The following MAN1A1 variants were observed in gnomAD, a reference collection of about 807,000 sequenced individuals.
The protein encoded by MAN1A1 is mannosidase alpha class 1A member 1, also known as mannosyl-oligosaccharide 1,2-alpha-mannosidase IA.
In MAN1A1, 29 loss-of-function variants were observed where a neutral mutation model predicts 70.8. The observed-to-expected ratio is 0.41, with a 90% CI of 0.31 to 0.56. The LOEUF (loss-of-function observed/expected upper bound fraction) is 0.56. Among genes scored for constraint, MAN1A1 ranks in the 20% least tolerant of loss-of-function variants. The pLI is 0.29. For missense variants in MAN1A1, 747 were observed against 841.3 expected, an observed-to-expected ratio of 0.89 and a Z score of 1.39; for synonymous variants, 349 against 330.1, an observed-to-expected ratio of 1.06 and a Z score of -0.62.
chr6:119,339,514 C>T (rs955991704), intron 2 of MAN1A1, among the ~76,000 whole-genome samples: 3 of 151,840 alleles, frequency 2.0e-5, no homozygotes, highest in East Asian at 1.9e-4. Context: ...AACCCGGCGT[C>T]GGGGGGTGGG....
intron 9 of MAN1A1, 112 bp from the exon 10 acceptor site, chr6:119,189,995 G>T: frequency 2.3e-6 from 2 of 852,922 alleles, no homozygotes; most frequent in Non-Finnish European, 3.6e-6. Flanking sequence ...ATCAGAGTTT[G>T]GTGTTAAAAA....
intron 8 of MAN1A1, among the ~76,000 whole-genome samples, chr6:119,195,571 G>A (rs1448082898): frequency 6.6e-6 from 1 of 152,124 alleles, no homozygotes; most frequent in East Asian, 1.9e-4. Flanking sequence ...TCATAATGTG[G>A]TAACATTTTC....
intron 2 of MAN1A1, among the ~76,000 whole-genome samples, chr6:119,337,437 CA>C (rs1447510131): frequency 6.6e-6 from 1 of 152,182 alleles, no homozygotes; most frequent in African/African-American, 2.4e-5. Flanking sequence ...ATTCATTCAA[CA>C]AATACATACT....
intron 3 of MAN1A1, among the ~76,000 whole-genome samples, chr6:119,303,255 A>G (rs1772443347): frequency 6.6e-6 from 1 of 152,130 alleles, no homozygotes; most frequent in African/African-American, 2.4e-5. Flanking sequence ...CCTGGCCTCA[A>G]GCAATCCTCC....
chr6:119,269,284 C>T, intron 5 of MAN1A1: 1 of 291,582 alleles, frequency 3.4e-6, no homozygotes, highest in Non-Finnish European at 6.8e-6. Flanking sequence ...CTGTCACTGC[C>T]TGGTACTTCC....
intron 2 of MAN1A1, among the ~76,000 whole-genome samples, chr6:119,313,060 C>T (rs148436302): frequency 6.6e-6 from 1 of 152,184 alleles, no homozygotes; most frequent in African/African-American, 2.4e-5. Context: ...TAAGGGAGAA[C>T]TTAGGAAGGA....
intron 6 of MAN1A1, among the ~76,000 whole-genome samples, chr6:119,226,675 T>C (rs1211640482): frequency 6.6e-6 from 1 of 152,160 alleles, no homozygotes; most frequent in African/African-American, 2.4e-5. Context: ...TATGAACTTT[T>C]TATTTTTTAA....
chr6:119,252,908 A>G (rs977491481), intron 5 of MAN1A1, among the ~76,000 whole-genome samples: 1 of 152,178 alleles, frequency 6.6e-6, no homozygotes, highest in African/African-American at 2.4e-5. Context: ...ATTGAAGCTG[A>G]TCCTCTTACA....
rs981915590 is a variant in MAN1A1, at chr6:119,178,687, C to G, written c.*1132G>C. Reference sequence around the variant, plus strand: ...GTTGACTATAACCATACTAAATATGCTATATTCTTATTTGGCCTAAAATTT... The same window carrying G: ...GTTGACTATAACCATACTAAATATGGTATATTCTTATTTGGCCTAAAATTT... On this transcript the variant is annotated 3_prime_UTR_variant, in exon 13 of 13. Transcript: ENST00000368468. 2 of 152,004 alleles carry G rather than the reference C, an allele frequency of 1.3e-5. No homozygotes were observed. The highest frequency in any genetic ancestry group is 2.4e-5 in the African/African-American group (1 of 41,406). The allele number at this position is 152,004 out of a possible 1,614,324, so 9.4% of individuals were successfully genotyped here.
chr6:119,311,719 G>A (rs1772711236), intron 2 of MAN1A1, among the ~76,000 whole-genome samples: 3 of 152,082 alleles, frequency 2.0e-5, no homozygotes, highest in Admixed American at 1.3e-4. Context: ...GAGGTGCATC[G>A]GAATGAGGGC....
intron 2 of MAN1A1, among the ~76,000 whole-genome samples, chr6:119,322,091 T>C (rs1773026218): frequency 6.6e-6 from 1 of 152,164 alleles, no homozygotes; most frequent in Non-Finnish European, 1.5e-5. Flanking sequence ...GAACCTGTCC[T>C]AGTACTGGAC....
chr6:119,279,802 G>T (rs1776180787), intron 5 of MAN1A1, among the ~76,000 whole-genome samples: 1 of 152,154 alleles, frequency 6.6e-6, no homozygotes, highest in African/African-American at 2.4e-5. Context: ...ACTGCTTAAA[G>T]ACCTTGAACT....
chr6:119,190,810 T>C (rs1773420796), intron 9 of MAN1A1, among the ~76,000 whole-genome samples: 1 of 152,216 alleles, frequency 6.6e-6, no homozygotes, highest in Non-Finnish European at 1.5e-5. Context: ...AAAATATGCC[T>C]TATATTTTAA....
chr6:119,239,748 T>C (rs1774953128), intron 6 of MAN1A1, among the ~76,000 whole-genome samples: 3 of 152,172 alleles, frequency 2.0e-5, no homozygotes, highest in African/African-American at 4.8e-5. Flanking sequence ...CACAGGAAAA[T>C]TGATTGCTGG....
chr6:119,340,697 T>A (rs1233462047), intron 2 of MAN1A1, among the ~76,000 whole-genome samples: 3 of 152,218 alleles, frequency 2.0e-5, no homozygotes, highest in Admixed American at 6.5e-5. Context: ...GTGTCCTTCA[T>A]CAGGTTTTTA....
intron 5 of MAN1A1, 118 bp downstream of exon 5, chr6:119,290,565 T>G (rs1012234783): frequency 1.5e-6 from 1 of 681,146 alleles, no homozygotes. Flanking sequence ...TACAGCTTCA[T>G]TGAAATATAA....
Position 119,235,344 on chromosome 6 carries a change from A to G in MAN1A1, c.992+12916T>C, listed in dbSNP as rs184665611. Among the ~76,000 whole-genome samples, 58 of 152,226 alleles carry G rather than the reference A, an allele frequency of 3.8e-4. 1 individual carries two copies. The highest frequency in any genetic ancestry group is 1.2e-3 in the African/African-American group (51 of 41,470). On this transcript the variant is annotated intron_variant, in intron 6 of 12. Coordinates refer to ENST00000368468, the MANE Select transcript of MAN1A1 (RefSeq NM_005907.4). ...AAAAGCTCCAGCGAAATCATGAATG[A>G]TAAGAACGCAAAACAGCCTTATGGC...
chr6:119,203,717 A>G (rs1208730981), intron 7 of MAN1A1, among the ~76,000 whole-genome samples: 1 of 152,104 alleles, frequency 6.6e-6, no homozygotes, highest in Non-Finnish European at 1.5e-5. Context: ...GTACAGTGAG[A>G]TGTCATTTAC....
chr6:119,329,335 G>A (rs1562244757), intron 2 of MAN1A1, among the ~76,000 whole-genome samples: 1 of 152,152 alleles, frequency 6.6e-6, no homozygotes, highest in Non-Finnish European at 1.5e-5. Flanking sequence ...AAAAGACTAA[G>A]TAGCCCAGAG....
Sources: allele counts gnomAD v4.1 joint callset (sites outside exome capture counted in the v4.1 genomes callset), GRCh38; gene constraint gnomAD v4.1.1; transcripts MANE v1.5; gene names NCBI Gene and HGNC (gene_info 2026-07-23, HGNC 2026-07-21).